Variants in TNRC18 observed in about 807,000 individuals in gnomAD.
The protein encoded by TNRC18 is trinucleotide repeat containing 18, also known as trinucleotide repeat-containing gene 18 protein.
In TNRC18, 69 loss-of-function variants were observed where a neutral mutation model predicts 226.7. The ratio of observed to expected loss-of-function variants is 0.30; its 90% CI spans 0.25 to 0.37. TNRC18 has a LOEUF of 0.37. Ranked by LOEUF, TNRC18 falls within the 10% of genes least tolerant of loss-of-function variation. TNRC18 has a pLI of 1.00. For synonymous variants in TNRC18, 2,449 were observed against 1,927.6 expected, an observed-to-expected ratio of 1.27 and a Z score of -7.09; for missense variants, 4,754 against 4,256.6, an observed-to-expected ratio of 1.12 and a Z score of -3.25.
intron 2 of TNRC18, among the ~76,000 whole-genome samples, chr7:5,401,298 G>C (rs575961451): frequency 6.6e-6 from 1 of 152,188 alleles, no homozygotes; most frequent in South Asian, 2.1e-4. Flanking sequence ...AGAACCAGAA[G>C]GCTTTGTCAC....
intron 5 of TNRC18, among the ~76,000 whole-genome samples, chr7:5,381,651 A>G (rs1428777159): frequency 6.6e-6 from 1 of 152,150 alleles, no homozygotes; most frequent in Non-Finnish European, 1.5e-5. Flanking sequence ...GAAAGGAAAG[A>G]AGGAAAGACT....
intron 10 of TNRC18, among the ~76,000 whole-genome samples, chr7:5,373,219 G>C (rs1794324206): frequency 6.6e-6 from 1 of 152,150 alleles, no homozygotes; most frequent in South Asian, 2.1e-4. Flanking sequence ...AGCTGCTTGA[G>C]AGGCTGAAAC....
chr7:5,379,798 T>C (rs974167207), intron 5 of TNRC18, among the ~76,000 whole-genome samples: 14 of 152,182 alleles, frequency 9.2e-5, no homozygotes, highest in African/African-American at 3.4e-4. Context: ...CCAGGTGCCA[T>C]TCGCACAGGC....
Position 5,324,402 on chromosome 7 carries a change from G to T in TNRC18, c.6301-47C>A. On this transcript the variant is annotated intron_variant, in intron 20 of 29. Coordinates refer to ENST00000430969, the MANE Select transcript of TNRC18 (RefSeq NM_001080495.3). This position sits in a 1 kb window ranked among gnomAD's most constrained non-coding sequence, Gnocchi z 4.8. ...CAAATGACTTAGGACCTGAACAGGG[G>T]TCCTGCCGGGTTGGGGACCCTCTCT... The T allele has an allele frequency of 1.9e-6, 3 of 1,600,418 alleles. No homozygotes were observed. The highest frequency in any genetic ancestry group is 2.6e-6 in the Non-Finnish European group (3 of 1,173,670).
At position 5,307,964 on chromosome 7, in the gene TNRC18, C is replaced by G. The variant is rs1302826815; in HGVS notation, c.*142G>C. On this transcript the variant is annotated 3_prime_UTR_variant, in exon 30 of 30. Transcript: ENST00000430969. ...CATGCACACACACTCACCCGGGCAT[C>G]CACGTGCACACCTGGCCCCATGCAC... The G allele has an allele frequency of 1.8e-5, 13 of 723,724 alleles. No homozygotes were observed. The highest frequency in any genetic ancestry group is 1.4e-4 in the South Asian group (8 of 55,880). The allele number at this position is 723,724 out of a possible 1,614,324, so 44.8% of individuals were successfully genotyped here.
chr7:5,355,384 T>C (rs181484486), intron 16 of TNRC18, among the ~76,000 whole-genome samples: 192 of 152,226 alleles, frequency 1.3e-3, no homozygotes, highest in Middle Eastern at 3.4e-3. Context: ...TCCCAGCACT[T>C]TGGGAGGCTG....
chr7:5,388,514 T>C lies in TNRC18; in HGVS notation c.1310A>G (p.Lys437Arg). ...GGGGGCATCCGCGGGGGGCGGCCGC[T>C]TGAGCGAGCGGATGACCGAGTTCTT... ...REKNSVIRSL[K>R]RPPPADAPTV... Residue 437 changes from lysine to arginine, a missense_variant, in exon 5 of 30, where the codon AAG becomes AGG. Coordinates refer to ENST00000430969, the MANE Select transcript of TNRC18 (RefSeq NM_001080495.3). 7.5e-7 allele frequency: 1 copy of C among 1,325,596 alleles called. No homozygotes were observed. The highest frequency in any genetic ancestry group is 1.8e-5 in the South Asian group (1 of 56,548). The allele number at this position is 1,325,596 out of a possible 1,614,324, so 82.1% of individuals were successfully genotyped here.
At chr7:5,392,790 T>TTGAG (rs1780394101) in intron 3 of TNRC18, among the ~76,000 whole-genome samples, 2 of 152,030 alleles carry the variant, frequency 1.3e-5, no homozygotes, top group African/African-American at 4.8e-5. Flanking sequence ...GGACGATCGC[T>TTGAG]TGAGCCTAGC....
At chr7:5,414,890 A>G (rs773017072) in intron 2 of TNRC18, among the ~76,000 whole-genome samples, 9 of 152,210 alleles carry the variant, frequency 5.9e-5, no homozygotes, top group Non-Finnish European at 1.3e-4. Context: ...CCTGATCCCA[A>G]GATCCAATAG....
At chr7:5,348,520 C>T (rs1315531977) in intron 17 of TNRC18, among the ~76,000 whole-genome samples, 1 of 152,150 alleles carries the variant, frequency 6.6e-6, no homozygotes, top group Non-Finnish European at 1.5e-5. Flanking sequence ...AAAGTGGTGG[C>T]CCCAGAGGTG....
chr7:5,375,081 G>A (rs1403796735), intron 9 of TNRC18, among the ~76,000 whole-genome samples: 3 of 152,188 alleles, frequency 2.0e-5, no homozygotes, highest in African/African-American at 7.2e-5. Context: ...AGGCCAAGGC[G>A]GGTGGATCAC....
In TNRC18 at chr7:5,421,176, G is replaced by A. The variant is rs1222070954; in HGVS notation, c.71C>T (p.Ala24Val). 10 of 1,400,290 alleles carry A rather than the reference G, an allele frequency of 7.1e-6. No homozygotes were observed. The highest frequency in any genetic ancestry group is 9.3e-6 in the Non-Finnish European group (10 of 1,074,748). The allele number at this position is 1,400,290 out of a possible 1,614,324, so 86.7% of individuals were successfully genotyped here. ...GPPPPLLSGL[A>V]MDSHRVGAAT... The stretch of plus-strand genomic sequence containing the variant: ...CGCGCCCACGCGGTGGCTGTCCATG[G>A]CCAGGCCGGACAGCAGCGGCGGCGG... Residue 24 changes from alanine to valine, a missense_variant, in exon 2 of 30, where the codon GCC (alanine) becomes GTC (valine). Transcript: ENST00000430969.
At chr7:5,349,258 A>G (rs1481121972) in intron 17 of TNRC18, among the ~76,000 whole-genome samples, 1 of 152,174 alleles carries the variant, frequency 6.6e-6, no homozygotes, top group Admixed American at 6.5e-5. Flanking sequence ...ACACCCCGCT[A>G]GCGTCCGCAG....
At position 5,388,638 on chromosome 7, in the gene TNRC18, C is replaced by A. The variant is rs1780012634; in HGVS notation, c.1186G>T (p.Asp396Tyr). ...GPIQIASQAR[D>Y]ARAREREAGR... ...GCCTCGCGCTCGCGGGCCCGGGCAT[C>A]GCGCGCCTGGGATGCGATCTGGATG... Residue 396 changes from aspartate (D) to tyrosine (Y), a missense_variant, in exon 5 of 30, where the codon GAT becomes TAT. By Grantham distance (160) the Asp-to-Tyr change is radical. Transcript: ENST00000430969. 2.3e-6 allele frequency: 3 copies of A among 1,276,906 alleles called. No individual in the cohort carries two copies. Among genetic ancestry groups the A allele is most frequent in the East Asian group, 7.3e-5 (2 of 27,530 alleles). The allele number at this position is 1,276,906 out of a possible 1,614,324, so 79.1% of individuals were successfully genotyped here. A position where few individuals can be genotyped will look rare whatever the true frequency, so the allele number is the denominator to read the frequency against.
intron 25 of TNRC18, 146 bp from the exon 26 acceptor site, chr7:5,315,294 C>G: frequency 1.2e-6 from 1 of 814,878 alleles, no homozygotes; most frequent in Non-Finnish European, 1.8e-6. Context: ...CCATGACAGG[C>G]TGTGAGGTCC....
chr7:5,345,517 G>GGGGGGGGGGGGCCA, intron 18 of TNRC18, 45 bp downstream of exon 18: 1 of 377,744 alleles, frequency 2.6e-6, no homozygotes, highest in Non-Finnish European at 4.8e-6. Context: ...AATGGCGTCC[G>GGGGGGGGGGGGCCA]CCCCTCCCAC....
At chr7:5,418,456 T>G (rs1782327391) in intron 2 of TNRC18, among the ~76,000 whole-genome samples, 2 of 152,070 alleles carry the variant, frequency 1.3e-5, no homozygotes, top group South Asian at 4.1e-4. Flanking sequence ...TGGATGGGAT[T>G]CCTCCCCGGG....
rs755437978 is a variant in TNRC18 at position 5,377,593 on chromosome 7, AG to A, written c.2256-18del. Reference sequence around the variant, plus strand: ...TTACTCTCTCTGGAAGGAGGATCATAGGTGTCAGCGACAGCTCGGACAGCCC... The same window carrying A: ...TTACTCTCTCTGGAAGGAGGATCATAGTGTCAGCGACAGCTCGGACAGCCC... On this transcript the variant is annotated intron_variant, in intron 6 of 29. Transcript: ENST00000430969. The surrounding 1 kb of genome is among the most constrained non-coding windows in gnomAD (Gnocchi z 5.8). 4.5e-6 allele frequency: 7 copies of A among 1,562,426 alleles called. No homozygotes were observed. In the South Asian group the frequency reaches 7.1e-5, roughly 16 times the overall value.
rs771347914 is a variant in TNRC18 at position 5,308,331 on chromosome 7, A to G, written c.8701-19T>C. The G allele has an allele frequency of 1.3e-5, 20 of 1,596,966 alleles. No individual in the cohort carries two copies. The highest frequency in any genetic ancestry group is 1.7e-5 in the Non-Finnish European group (20 of 1,172,786). On this transcript the variant is annotated intron_variant, in intron 29 of 29. Coordinates refer to ENST00000430969, the MANE Select transcript of TNRC18 (RefSeq NM_001080495.3). ...GCGCGCGCTGCGGGCACGCGGGGAT[A>G]TCAGGATGGCAGGTGGGGGGCACAG...
Sources: allele counts gnomAD v4.1 joint callset (sites outside exome capture counted in the v4.1 genomes callset), GRCh38; gene constraint gnomAD v4.1.1; non-coding constraint Gnocchi (gnomAD v3.1); transcripts MANE v1.5; gene names NCBI Gene and HGNC (gene_info 2026-07-23, HGNC 2026-07-21).